Variants in RAVER1 observed in about 807,000 individuals in gnomAD.
RAVER1 encodes the protein ribonucleoprotein PTB-binding 1.
RAVER1 carries 36 observed loss-of-function variants against 68.4 expected under a neutral mutation model. That is an observed-to-expected ratio of 0.53 (90% CI 0.40 to 0.70). The LOEUF (loss-of-function observed/expected upper bound fraction) is 0.70, where lower values mean the gene tolerates loss of function less well. RAVER1 is among the 30% of genes least tolerant of loss of function. The pLI is 0.00. For synonymous variants in RAVER1, 469 were observed against 472.7 expected (o/e 0.99, Z 0.10); for missense variants, 933 against 1,019.8 (o/e 0.91, Z 1.16).
rs376100998 is a variant in RAVER1 at position 10,318,346 on chromosome 19, G to T, written c.1872C>A (p.Gly624=). 1.2e-6 allele frequency: 2 copies of T among 1,601,952 alleles called. No homozygotes were observed. The highest frequency in any genetic ancestry group is 1.7e-6 in the Non-Finnish European group (2 of 1,175,752). The change falls in exon 11 of 13, where the codon GGC becomes GGA. Residue 624 remains glycine, a synonymous_variant. Transcript: ENST00000617231. ...HKMSPPPSGF[G]ERSSGGSGGG... ...CGCCACTCCCACCGCTGCTCCGTTC[G>T]CCGAAGCCACTGGGCGGGGGGGACA...
Position 10,331,392 on chromosome 19 carries a change from AC to A in RAVER1, c.220-867del, listed in dbSNP as rs1273923200. On this transcript the variant is annotated intron_variant, in intron 1 of 12. Coordinates refer to ENST00000617231, the MANE Select transcript of RAVER1 (RefSeq NM_133452.3). ...AAAAAAAAAAAAAAAAATAACAACA[AC>A]AAAAAAAAAAAAAAAAAAAGAGGCC... Among the ~76,000 whole-genome samples the A allele has an allele frequency of 4.7e-3, 339 of 72,510 alleles. 15 individuals are homozygous for A. The highest frequency in any genetic ancestry group is 5.3e-3 in the African/African-American group (97 of 18,206). The allele number at this position is 72,510 out of a possible 152,430, so 47.6% of individuals were successfully genotyped here.
At position 10,323,402 on chromosome 19, in the gene RAVER1, C is replaced by T; in HGVS notation, c.921G>A (p.Leu307=). Residue 307 remains leucine (L), a synonymous_variant, in exon 4 of 13, where the codon CTG becomes CTA. Transcript: ENST00000617231. The surrounding 1 kb of genome is among the most constrained non-coding windows in gnomAD (Gnocchi z 6.2). ...TGGCCTGGGCAGCGATGAGAGCGGC[C>T]AGCATACTGCGGCCGGGGGGCCCAG... ...CAPGPPGRSM[L]AALIAAQATA... 6.2e-7 allele frequency: 1 copy of T among 1,606,128 alleles called. No individual in the cohort carries two copies. Among genetic ancestry groups the T allele is most frequent in the Non-Finnish European group, 8.5e-7 (1 of 1,177,020 alleles).
At position 10,328,767 on chromosome 19, in the gene RAVER1, C is replaced by T. The variant is rs562544647; in HGVS notation, c.631G>A (p.Gly211Arg). Residue 211 changes from glycine to arginine, a missense_variant, in exon 3 of 13, where the codon GGG (glycine) becomes AGG (arginine). By Grantham distance (125) the Gly-to-Arg change is moderately radical. Coordinates refer to ENST00000617231, the MANE Select transcript of RAVER1 (RefSeq NM_133452.3). The surrounding 1 kb of genome is among the most constrained non-coding windows in gnomAD (Gnocchi z 4.4). The stretch of plus-strand genomic sequence containing the variant: ...TGGAGAAGGGCAGGCGTCAGTTGCC[C>T]GGCATCCGTCCAGTGCACGTAGAGG... ...RTLYVHWTDA[G>R]QLTPALLHSR... is the part of the protein sequence containing the mutation. 333 of 1,612,996 alleles carry T rather than the reference C, an allele frequency of 2.1e-4. 5 individuals are homozygous for T. In the South Asian group the frequency reaches 3.3e-3, roughly 16 times the overall value.
rs985653743 is a variant in RAVER1 at position 10,317,946 on chromosome 19, T to C, written c.1990-173A>G. ...CCTAGGGCCAATTGCTCCATTTTAT[T>C]TGAGCCTCGGTTTTCTCATCTGTCA... On this transcript the variant is annotated intron_variant, in intron 11 of 12. Coordinates refer to ENST00000617231, the MANE Select transcript of RAVER1 (RefSeq NM_133452.3). The surrounding 1 kb of genome is among the most constrained non-coding windows in gnomAD (Gnocchi z 4.3). Among the ~76,000 whole-genome samples, 1 of 152,158 alleles carries C rather than the reference T, an allele frequency of 6.6e-6. No homozygotes were observed. Among genetic ancestry groups the C allele is most frequent in the African/African-American group, 2.4e-5 (1 of 41,434 alleles).
chr19:10,331,356 C>CA (rs58419369), intron 1 of RAVER1, among the ~76,000 whole-genome samples: 330 of 29,116 alleles, frequency 0.011, 6 homozygotes, highest in East Asian at 0.018. Flanking sequence ...GACTCCGTCT[C>CA]AAAAAAAAAA....
At chr19:10,327,087 A>G (rs1042843668) in intron 3 of RAVER1, among the ~76,000 whole-genome samples, 2 of 151,988 alleles carry the variant, frequency 1.3e-5, no homozygotes, top group African/African-American at 4.8e-5. Flanking sequence ...TGTTTTAAAT[A>G]TAGAGATGGT....
At position 10,317,413 on chromosome 19, in the gene RAVER1, G is replaced by A. The variant is rs771528534; in HGVS notation, c.*41C>T. On this transcript the variant is annotated 3_prime_UTR_variant, in exon 13 of 13. Transcript: ENST00000617231. This position sits in a 1 kb window ranked among gnomAD's most constrained non-coding sequence, Gnocchi z 4.3. ...ACAAAACATCAGAAAACCCAAAAGC[G>A]ATTTGGTGCAGGCCCTTGAGTTATC... 9 of 1,600,692 alleles carry A rather than the reference G, an allele frequency of 5.6e-6. No individual in the cohort carries two copies. Among genetic ancestry groups the A allele is most frequent in the Admixed American group, 3.4e-5 (2 of 58,208 alleles).
intron 3 of RAVER1, among the ~76,000 whole-genome samples, chr19:10,324,446 C>T (rs1336843500): frequency 1.3e-5 from 2 of 152,146 alleles, no homozygotes; most frequent in South Asian, 4.1e-4. Flanking sequence ...GTGATGTGAA[C>T]TTAGCTTACC....
chr19:10,321,843 A>T (rs2040440024), intron 6 of RAVER1: 1 of 363,146 alleles, frequency 2.8e-6, no homozygotes. Context: ...TTCCCTGGCC[A>T]ATGATTGCAG....
Position 10,329,603 on chromosome 19 carries a change from A to G in RAVER1, c.287-492T>C, listed in dbSNP as rs2040499417. Among the ~76,000 whole-genome samples, 1 of 151,908 alleles carries G rather than the reference A, an allele frequency of 6.6e-6. No individual in the cohort carries two copies. Among genetic ancestry groups the G allele is most frequent in the Non-Finnish European group, 1.5e-5 (1 of 67,854 alleles). Reference sequence around the variant, plus strand: ...GGGGAGCCTGGACTTGAACCCAGGCAGCCGGACTCCAGAGGCCCACTCTAC... The same window carrying G: ...GGGGAGCCTGGACTTGAACCCAGGCGGCCGGACTCCAGAGGCCCACTCTAC... On this transcript the variant is annotated intron_variant, in intron 2 of 12. Transcript: ENST00000617231. This position sits in a 1 kb window ranked among gnomAD's most constrained non-coding sequence, Gnocchi z 4.6.
At chr19:10,327,348 C>T (rs757221682) in intron 3 of RAVER1, among the ~76,000 whole-genome samples, 9 of 152,024 alleles carry the variant, frequency 5.9e-5, no homozygotes, top group Non-Finnish European at 1.3e-4. Flanking sequence ...ACTGCAGCCT[C>T]GGACTCCCAG....
intron 6 of RAVER1, chr19:10,321,986 T>C (rs75161693): frequency 0.056 from 9,871 of 176,266 alleles, 346 homozygotes; most frequent in Middle Eastern, 0.097. Context: ...TGACTTAGAA[T>C]CCAGGGAACC....
In RAVER1 at chr19:10,329,008, C is replaced by A; in HGVS notation, c.390G>T (p.Thr130=). 2 of 1,578,308 alleles carry A rather than the reference C, an allele frequency of 1.3e-6. No individual in the cohort carries two copies. The highest frequency in any genetic ancestry group is 2.3e-5 in the East Asian group (1 of 44,036). Residue 130 remains threonine (T), a synonymous_variant, in exon 3 of 13, where the codon ACG becomes ACT. Transcript: ENST00000617231. The surrounding 1 kb of genome is among the most constrained non-coding windows in gnomAD (Gnocchi z 4.6). ...ERELSVQLQP[T]DALLCVANLP... ...GGTTGGCCACACACAGCAGGGCATC[C>A]GTGGGCTGCAGCTGCACCGACAGTT... is the stretch of plus-strand genomic sequence containing the variant.
intron 1 of RAVER1, among the ~76,000 whole-genome samples, chr19:10,331,388 A>C (rs2040516358): frequency 4.4e-5 from 4 of 90,570 alleles, no homozygotes; most frequent in African/African-American, 8.6e-5. Flanking sequence ...AAAAAATAAC[A>C]ACAACAAAAA....
Position 10,333,494 on chromosome 19 carries a change from A to G in RAVER1, c.14T>C (p.Val5Ala), listed in dbSNP as rs762230332. MAAD[V>A]SVTHRPPLSP... Reference sequence around the variant, plus strand: ...CAGCGGGGGCCGGTGAGTAACGGACACGTCCGCCGCCATCTTGGGAAACCC... The same window carrying G: ...CAGCGGGGGCCGGTGAGTAACGGACGCGTCCGCCGCCATCTTGGGAAACCC... Residue 5 changes from valine (V) to alanine (A), a missense_variant, in exon 1 of 13, where the codon GTG becomes GCG. By Grantham distance (64) the Val-to-Ala change is moderately conservative. Around this residue, in one of 3 missense-constraint regions of RAVER1, gnomAD observed 211 missense variants for 230.0 expected, o/e 0.92. Coordinates refer to ENST00000617231, the MANE Select transcript of RAVER1 (RefSeq NM_133452.3). This position sits in a 1 kb window ranked among gnomAD's most constrained non-coding sequence, Gnocchi z 4.2. 1.5e-5 allele frequency: 24 copies of G among 1,599,992 alleles called. No individual in the cohort carries two copies. Among genetic ancestry groups the G allele is most frequent in the Non-Finnish European group, 2.0e-5 (24 of 1,173,418 alleles).
chr19:10,318,003 G>A (rs1422340905), intron 11 of RAVER1, among the ~76,000 whole-genome samples: 1 of 152,244 alleles, frequency 6.6e-6, no homozygotes, highest in Non-Finnish European at 1.5e-5. Flanking sequence ...AGCCTGGGCT[G>A]TAGAGAGAGG....
At chr19:10,326,707 G>A (rs1023906288) in intron 3 of RAVER1, among the ~76,000 whole-genome samples, 2 of 151,200 alleles carry the variant, frequency 1.3e-5, no homozygotes, top group South Asian at 2.1e-4. Flanking sequence ...CGTCCGTCTC[G>A]GCCTCCAAAG....
intron 3 of RAVER1, among the ~76,000 whole-genome samples, chr19:10,325,025 AAT>A (rs2040464366): frequency 1.4e-5 from 2 of 145,774 alleles, no homozygotes; most frequent in Admixed American, 1.5e-4. Context: ...ATCTTCACAT[AAT>A]TTTTTTTTTT....
In RAVER1 at chr19:10,317,577, G is replaced by A. The variant is rs780976186; in HGVS notation, c.2097C>T (p.Arg699=). Residue 699 remains arginine (R), a synonymous_variant, in exon 13 of 13, where the codon CGC becomes CGT. Transcript: ENST00000617231. This position sits in a 1 kb window ranked among gnomAD's most constrained non-coding sequence, Gnocchi z 4.3. ...GCGAGGGCAGCAGGTGGGCAAAGCT[G>A]CGTTTCTGGCCGCCCAGTGGGGTCT... ...LLKTPLGGQK[R]SFAHLLPSPE... The A allele has an allele frequency of 6.2e-7, 1 of 1,611,204 alleles. No individual in the cohort carries two copies. Among genetic ancestry groups the A allele is most frequent in the Non-Finnish European group, 8.5e-7 (1 of 1,179,082 alleles).
Sources: allele counts gnomAD v4.1 joint callset (sites outside exome capture counted in the v4.1 genomes callset), GRCh38; gene constraint gnomAD v4.1.1; regional missense constraint gnomAD v4.1.1; non-coding constraint Gnocchi (gnomAD v3.1); transcripts MANE v1.5; gene names NCBI Gene and HGNC (gene_info 2026-07-23, HGNC 2026-07-21).